Variants in SPON1 observed in about 807,000 individuals in gnomAD.
SPON1 encodes spondin 1, also known as spondin-1.
SPON1 carries 52 observed loss-of-function variants against 111.7 expected under a neutral mutation model. The observed-to-expected ratio is 0.47, with a 90% CI of 0.37 to 0.59. The LOEUF (loss-of-function observed/expected upper bound fraction) is 0.59. Ranked by LOEUF, SPON1 falls within the 20% of genes least tolerant of loss-of-function variation. SPON1 has a pLI of 0.00. For missense variants in SPON1, 957 were observed against 1,068.5 expected (o/e 0.90, Z 1.46); for synonymous variants, 410 against 395.8 (o/e 1.04, Z -0.43).
chr11:14,247,488 G>A (rs1449480823), intron 7 of SPON1, among the ~76,000 whole-genome samples: 4 of 152,172 alleles, frequency 2.6e-5, no homozygotes, highest in African/African-American at 7.2e-5. Context: ...AACAGCACTC[G>A]GCCCCTGTGT....
chr11:14,065,732 G>T (rs1384419601), intron 3 of SPON1, among the ~76,000 whole-genome samples: 3 of 152,130 alleles, frequency 2.0e-5, no homozygotes, highest in East Asian at 1.9e-4. Flanking sequence ...AGCTTTGTGG[G>T]GTCAGGAACC....
At chr11:14,105,636 A>G (rs1463824591) in intron 5 of SPON1, among the ~76,000 whole-genome samples, 4 of 152,154 alleles carry the variant, frequency 2.6e-5, no homozygotes, top group African/African-American at 9.6e-5. Context: ...GTGCCTGACA[A>G]ACATTTTCAA....
At chr11:13,985,976 G>A (rs1312741969) in intron 2 of SPON1, among the ~76,000 whole-genome samples, 3 of 152,150 alleles carry the variant, frequency 2.0e-5, no homozygotes, top group African/African-American at 7.2e-5. Flanking sequence ...TGGCCCCCAT[G>A]CTGTCCCTTC....
intron 2 of SPON1, among the ~76,000 whole-genome samples, chr11:14,004,246 A>T (rs1848342319): frequency 6.6e-6 from 1 of 152,160 alleles, no homozygotes; most frequent in African/African-American, 2.4e-5. Context: ...ATGAACATGG[A>T]CATTTAGGTC....
intron 6 of SPON1, among the ~76,000 whole-genome samples, chr11:14,201,753 T>G (rs552659833): frequency 6.6e-6 from 1 of 152,284 alleles, no homozygotes; most frequent in East Asian, 1.9e-4. Context: ...ACATAAGTAT[T>G]TAATGTATGA....
At chr11:14,105,406 A>G (rs781965285) in intron 5 of SPON1, among the ~76,000 whole-genome samples, 6 of 152,040 alleles carry the variant, frequency 3.9e-5, no homozygotes, top group Non-Finnish European at 5.9e-5. Flanking sequence ...CCAATTCTAC[A>G]TTTTACCTAT....
At chr11:14,011,267 G>A (rs1848402559) in intron 2 of SPON1, among the ~76,000 whole-genome samples, 1 of 152,132 alleles carries the variant, frequency 6.6e-6, no homozygotes, top group South Asian at 2.1e-4. Flanking sequence ...TCAAATTTTA[G>A]CAAATTTTAG....
intron 5 of SPON1, among the ~76,000 whole-genome samples, chr11:14,106,867 C>G (rs1389413704): frequency 6.6e-6 from 1 of 152,082 alleles, no homozygotes; most frequent in Admixed American, 6.6e-5. Flanking sequence ...CATCTTGGAA[C>G]CTTCCTGAGT....
chr11:14,258,111 AC>A (rs1849130491), intron 11 of SPON1, among the ~76,000 whole-genome samples: 1 of 152,278 alleles, frequency 6.6e-6, no homozygotes, highest in East Asian at 1.9e-4. Context: ...GAGATTGACC[AC>A]CCCCTCCTTC....
At chr11:14,232,725 A>C (rs782793256) in intron 6 of SPON1, among the ~76,000 whole-genome samples, 4 of 152,142 alleles carry the variant, frequency 2.6e-5, no homozygotes, top group Non-Finnish European at 5.9e-5. Flanking sequence ...AAAAATAATC[A>C]CATGTCCTTC....
At chr11:13,966,697 C>A (rs1487840553) in intron 1 of SPON1, among the ~76,000 whole-genome samples, 5 of 152,200 alleles carry the variant, frequency 3.3e-5, no homozygotes, top group African/African-American at 1.2e-4. Context: ...CACACACTGA[C>A]CACAGGGGTG....
At position 13,984,545 on chromosome 11, in the gene SPON1, A is replaced by T. The variant is rs375310565; in HGVS notation, c.345+1592A>T. 2.4e-4 allele frequency among the ~76,000 whole-genome samples: 36 copies of T among 152,162 alleles called. 1 individual carries two copies. The highest frequency in any genetic ancestry group is 3.2e-3 in the Middle Eastern group (1 of 316). On this transcript the variant is annotated intron_variant, in intron 2 of 15. Transcript: ENST00000576479. Reference sequence around the variant, plus strand: ...TTTATAACAAATCCACTCTCAAGATAACTAATCCACTCCCACGACAACCAC... The same window carrying T: ...TTTATAACAAATCCACTCTCAAGATTACTAATCCACTCCCACGACAACCAC...
At chr11:14,222,625 C>T (rs533003665) in intron 6 of SPON1, among the ~76,000 whole-genome samples, 1 of 152,302 alleles carries the variant, frequency 6.6e-6, no homozygotes, top group East Asian at 1.9e-4. Context: ...AATTGAGTGA[C>T]TTGAATCCTC....
intron 6 of SPON1, among the ~76,000 whole-genome samples, chr11:14,172,774 A>G (rs1848122298): frequency 6.6e-6 from 1 of 151,872 alleles, no homozygotes; most frequent in South Asian, 2.1e-4. Context: ...CTGGTTATGA[A>G]ATTCTGGGTT....
intron 6 of SPON1, among the ~76,000 whole-genome samples, chr11:14,143,177 C>A (rs1490148024): frequency 6.6e-6 from 1 of 152,200 alleles, no homozygotes; most frequent in East Asian, 1.9e-4. Context: ...GATATCTACC[C>A]TTACTCCAAT....
chr11:14,260,850 C>A, intron 14 of SPON1, 98 bp downstream of exon 14: 1 of 1,351,260 alleles, frequency 7.4e-7, no homozygotes, highest in Non-Finnish European at 1.0e-6. Context: ...CCTAGAATAA[C>A]ATGGTTTGCT....
chr11:14,113,280 C>G (rs930235680), intron 5 of SPON1, among the ~76,000 whole-genome samples: 1 of 152,224 alleles, frequency 6.6e-6, no homozygotes, highest in East Asian at 1.9e-4. Flanking sequence ...TTCCATTTCA[C>G]CAGAGCTCCA....
At chr11:14,119,517 C>A (rs1221018508) in intron 5 of SPON1, among the ~76,000 whole-genome samples, 2 of 152,148 alleles carry the variant, frequency 1.3e-5, no homozygotes, top group Non-Finnish European at 2.9e-5. Context: ...TCAGAGAAGG[C>A]CATGAGTCAG....
At chr11:14,240,589 T>TTGTGTGTGTGTGTGTGTGTG (rs56265194) in intron 6 of SPON1, among the ~76,000 whole-genome samples, 4 of 140,252 alleles carry the variant, frequency 2.9e-5, no homozygotes, top group East Asian at 2.1e-4. Context: ...AGAAGCAATA[T>TTGTGTGTGTGTGTGTGTGTG]TGTGTGTGTG....
Sources: allele counts gnomAD v4.1 joint callset (sites outside exome capture counted in the v4.1 genomes callset), GRCh38; gene constraint gnomAD v4.1.1; transcripts MANE v1.5; gene names NCBI Gene and HGNC (gene_info 2026-07-23, HGNC 2026-07-21).